Variants in RAD51B observed in about 807,000 individuals in gnomAD.
The protein encoded by RAD51B is DNA repair protein RAD51 homolog 2.
Under a neutral mutation model 42.2 loss-of-function variants are expected in RAD51B, and 38 were observed. The ratio of observed to expected loss-of-function variants is 0.90; its 90% CI spans 0.70 to 1.18. The LOEUF (loss-of-function observed/expected upper bound fraction) is 1.18. Among genes scored for constraint, RAD51B ranks in the 50% most tolerant of loss-of-function variants. The probability of loss-of-function intolerance (pLI) is 0.00; values close to 1 mark genes in which losing one functional copy is unlikely to be tolerated. For synonymous variants in RAD51B, 154 were observed against 145.2 expected, an observed-to-expected ratio of 1.06 and a Z score of -0.43; for missense variants, 373 against 400.7, an observed-to-expected ratio of 0.93 and a Z score of 0.59.
At chr14:68,087,964 T>TATTATTATATATATTTATATAATA (rs1210337872) in intron 7 of RAD51B, among the ~76,000 whole-genome samples, 6 of 112,036 alleles carry the variant, frequency 5.4e-5, no homozygotes, top group African/African-American at 2.7e-4. Flanking sequence ...ATTATATAAT[T>TATTATTATATATATTTATATAATA]TATTATTATA....
At chr14:68,082,472 GATAT>G (rs35806526) in intron 7 of RAD51B, among the ~76,000 whole-genome samples, 2 of 149,290 alleles carry the variant, frequency 1.3e-5, no homozygotes, top group African/African-American at 4.9e-5. Context: ...ATAGGAGAAA[GATAT>G]ATATATATAT....
chr14:68,385,307 C>A (rs771698729), intron 8 of RAD51B, among the ~76,000 whole-genome samples: 1 of 152,162 alleles, frequency 6.6e-6, no homozygotes, highest in African/African-American at 2.4e-5. Flanking sequence ...CTTTGGACTT[C>A]GCTCATTCTT....
chr14:68,556,851 C>T (rs1424800233), intron 10 of RAD51B, among the ~76,000 whole-genome samples: 1 of 152,202 alleles, frequency 6.6e-6, no homozygotes, highest in African/African-American at 2.4e-5. Context: ...ACCCTTCCTG[C>T]CTTGTTTCCT....
intron 4 of RAD51B, among the ~76,000 whole-genome samples, chr14:67,860,425 G>A (rs925623797): frequency 6.6e-6 from 1 of 152,232 alleles, no homozygotes; most frequent in East Asian, 1.9e-4. Context: ...CTGGGATAAC[G>A]ATAGTGTTTT....
intron 7 of RAD51B, among the ~76,000 whole-genome samples, chr14:68,258,773 C>T (rs1043202533): frequency 1.3e-5 from 2 of 152,174 alleles, no homozygotes; most frequent in Non-Finnish European, 2.9e-5. Context: ...GAGCATTATT[C>T]TTCCTCTCTC....
chr14:68,383,439 G>GT (rs1444368739), intron 8 of RAD51B, among the ~76,000 whole-genome samples: 5 of 152,204 alleles, frequency 3.3e-5, no homozygotes, highest in Non-Finnish European at 4.4e-5. Context: ...AAGTGACAGG[G>GT]TGCTGAGGTT....
At chr14:68,387,905 A>C (rs1240691712) in intron 8 of RAD51B, among the ~76,000 whole-genome samples, 1 of 152,094 alleles carries the variant, frequency 6.6e-6, no homozygotes, top group Non-Finnish European at 1.5e-5. Context: ...AAAAAACATA[A>C]AATGTCTTAA....
chr14:68,620,440 A>G (rs528104338), intron 10 of RAD51B, among the ~76,000 whole-genome samples: 75 of 152,322 alleles, frequency 4.9e-4, no homozygotes, highest in African/African-American at 1.7e-3. Flanking sequence ...AGAACCTTCC[A>G]TGAAAGAAGA....
intron 11 of RAD51B, among the ~76,000 whole-genome samples, chr14:68,671,570 C>T (rs957286978): frequency 2.0e-5 from 3 of 152,106 alleles, no homozygotes; most frequent in Non-Finnish European, 2.9e-5. Flanking sequence ...CCCAACACCC[C>T]GCCTCCGACA....
intron 5 of RAD51B, among the ~76,000 whole-genome samples, chr14:67,871,152 G>A (rs903408278): frequency 1.4e-4 from 21 of 152,182 alleles, no homozygotes; most frequent in African/African-American, 5.1e-4. Flanking sequence ...CCAGGAGCTG[G>A]TTTTTTGAAA....
In RAD51B at chr14:68,648,085, A is replaced by ATG. The variant is rs1892608585; in HGVS notation, c.1037-2696_1037-2695insTG. Among the ~76,000 whole-genome samples, 26 of 36,394 alleles carry ATG rather than the reference A, an allele frequency of 7.1e-4. 2 individuals carry two copies. The highest frequency in any genetic ancestry group is 2.4e-3 in the East Asian group (2 of 828). 23.9% of individuals were successfully genotyped at this position (36,394 alleles called of 152,430 possible). A position where few individuals can be genotyped will look rare whatever the true frequency, so the allele number is the denominator to read the frequency against. On this transcript the variant is annotated intron_variant, in intron 10 of 11. Transcript: ENST00000488612. ...TGTATATATATATACACGTATATAT[A>ATG]CGTGTGTGTATATATATATACACAC...
At chr14:68,624,736 C>G (rs989927941) in intron 10 of RAD51B, among the ~76,000 whole-genome samples, 1 of 152,162 alleles carries the variant, frequency 6.6e-6, no homozygotes, top group Non-Finnish European at 1.5e-5. Flanking sequence ...ATGACTCCTG[C>G]GCGATCCTCT....
chr14:68,563,552 T>C, intron 10 of RAD51B: 1 of 985,474 alleles, frequency 1.0e-6, no homozygotes, highest in Non-Finnish European at 1.2e-6. Flanking sequence ...TTCTCCAGAT[T>C]AGAACCAGCC....
chr14:68,085,226 A>G (rs1221962796), intron 7 of RAD51B, among the ~76,000 whole-genome samples: 1 of 152,180 alleles, frequency 6.6e-6, no homozygotes, highest in Non-Finnish European at 1.5e-5. Flanking sequence ...TTTGTTCCTT[A>G]TTGTACCTCC....
chr14:67,981,097 C>A (rs1296886394), intron 7 of RAD51B, among the ~76,000 whole-genome samples: 1 of 152,074 alleles, frequency 6.6e-6, no homozygotes, highest in Non-Finnish European at 1.5e-5. Context: ...CATCTGTAAT[C>A]CCAGCACTTT....
chr14:68,122,933 C>G (rs1323006850), intron 7 of RAD51B, among the ~76,000 whole-genome samples: 1 of 151,972 alleles, frequency 6.6e-6, no homozygotes, highest in Non-Finnish European at 1.5e-5. Context: ...AACAGTATGT[C>G]TAACATGCTC....
intron 7 of RAD51B, among the ~76,000 whole-genome samples, chr14:68,122,373 A>C (rs1226166455): frequency 6.6e-6 from 1 of 152,214 alleles, no homozygotes; most frequent in Non-Finnish European, 1.5e-5. Context: ...ATCTACAAAT[A>C]AACAAGAAAG....
intron 7 of RAD51B, among the ~76,000 whole-genome samples, chr14:67,984,996 A>G (rs2075158477): frequency 6.6e-6 from 1 of 152,204 alleles, no homozygotes; most frequent in Non-Finnish European, 1.5e-5. Context: ...GAAACCACCG[A>G]TCTAATTGTC....
At chr14:68,149,836 CCTGTA>C (rs2078338487) in intron 7 of RAD51B, 1 of 152,248 alleles carries the variant, frequency 6.6e-6, no homozygotes, top group African/African-American at 2.4e-5. Context: ...GCCCAGAACT[CCTGTA>C]CTCAAGCAGT....
Sources: allele counts gnomAD v4.1 joint callset (sites outside exome capture counted in the v4.1 genomes callset), GRCh38; gene constraint gnomAD v4.1.1; transcripts MANE v1.5; gene names NCBI Gene and HGNC (gene_info 2026-07-23, HGNC 2026-07-21).